Variants in DLG2 observed in about 807,000 individuals in gnomAD.
DLG2 encodes the protein disks large homolog 2.
DLG2 carries 45 observed loss-of-function variants against 132.5 expected under a neutral mutation model. That is an observed-to-expected ratio of 0.34 (90% CI 0.27 to 0.44). DLG2 has a LOEUF of 0.44. Among genes scored for constraint, DLG2 ranks in the 20% least tolerant of loss-of-function variants. The pLI is 1.00. For missense variants in DLG2, 1,045 were observed against 1,196.9 expected (o/e 0.87, Z 1.87); for synonymous variants, 424 against 419.6 (o/e 1.01, Z -0.13).
chr11:85,530,407 G>A (rs866136758), intron 3 of DLG2, among the ~76,000 whole-genome samples: 3 of 149,822 alleles, frequency 2.0e-5, no homozygotes, highest in African/African-American at 7.4e-5. Flanking sequence ...TGCAACCTCC[G>A]CCTCCCAGGT....
At chr11:83,573,326 G>A (rs2096828780) in intron 19 of DLG2, among the ~76,000 whole-genome samples, 1 of 152,058 alleles carries the variant, frequency 6.6e-6, no homozygotes, top group South Asian at 2.1e-4. Flanking sequence ...GCAAACAAAT[G>A]CCTAAATTAT....
At chr11:83,817,220 C>T (rs1368360478) in intron 17 of DLG2, among the ~76,000 whole-genome samples, 19 of 152,088 alleles carry the variant, frequency 1.2e-4, no homozygotes, top group Admixed American at 1.2e-3. Flanking sequence ...ATACAAAGCA[C>T]ATTAAGAGGG....
At chr11:83,578,430 A>G (rs1195749513) in intron 19 of DLG2, among the ~76,000 whole-genome samples, 1 of 152,112 alleles carries the variant, frequency 6.6e-6, no homozygotes, top group Non-Finnish European at 1.5e-5. Context: ...GTCAACTGTA[A>G]AAAGTTCAAG....
chr11:83,887,551 A>G (rs918488363), intron 15 of DLG2, among the ~76,000 whole-genome samples: 9 of 152,156 alleles, frequency 5.9e-5, no homozygotes, highest in African/African-American at 2.2e-4. Context: ...TCCTTGTGAA[A>G]CTATTCCAAT....
chr11:83,810,199 A>AT (rs1272383325), intron 17 of DLG2, among the ~76,000 whole-genome samples: 1 of 152,058 alleles, frequency 6.6e-6, no homozygotes, highest in Non-Finnish European at 1.5e-5. Flanking sequence ...GGATTAGTGA[A>AT]TGGGTGTGAT....
chr11:85,097,614 G>A (rs375214544), intron 6 of DLG2, among the ~76,000 whole-genome samples: 3 of 152,310 alleles, frequency 2.0e-5, no homozygotes, highest in Admixed American at 6.5e-5. Context: ...AGAAATTTAA[G>A]ATTTTCCTCT....
chr11:85,405,684 T>C (rs1288426971), intron 3 of DLG2, among the ~76,000 whole-genome samples: 1 of 151,950 alleles, frequency 6.6e-6, no homozygotes, highest in East Asian at 1.9e-4. Context: ...AAATATTTTG[T>C]TCAAGGTTAC....
At chr11:83,774,242 C>T (rs1173844211) in intron 18 of DLG2, among the ~76,000 whole-genome samples, 1 of 152,224 alleles carries the variant, frequency 6.6e-6, no homozygotes, top group Non-Finnish European at 1.5e-5. Flanking sequence ...AGGGTTTTCT[C>T]AAGTTCCATT....
intron 3 of DLG2, among the ~76,000 whole-genome samples, chr11:85,474,724 TA>T (rs1291897754): frequency 2.6e-5 from 4 of 151,774 alleles, no homozygotes; most frequent in African/African-American, 4.8e-5. Context: ...TTAAAACAAC[TA>T]AGGAATTAAT....
chr11:83,970,577 G>A (rs1040720628), intron 12 of DLG2, among the ~76,000 whole-genome samples: 4 of 152,222 alleles, frequency 2.6e-5, no homozygotes, highest in African/African-American at 9.6e-5. Context: ...CACGCATACT[G>A]AAGCTTAGAC....
intron 6 of DLG2, among the ~76,000 whole-genome samples, chr11:84,661,328 T>C (rs963556947): frequency 5.9e-5 from 9 of 152,140 alleles, no homozygotes; most frequent in African/African-American, 2.2e-4. Context: ...GATTACAAAG[T>C]CTCAAATGTA....
In DLG2 at chr11:84,557,595, T is replaced by C. The variant is rs2099414477; in HGVS notation, c.358-22864A>G. On this transcript the variant is annotated intron_variant, in intron 6 of 27. Coordinates refer to ENST00000376104, the MANE Select transcript of DLG2 (RefSeq NM_001142699.3). ...TGAGAAATTTATTTATGTTGATGTG[T>C]GCAAAACTAGATCATTTCTTTTTAA... is the stretch of plus-strand genomic sequence containing the variant. Among the ~76,000 whole-genome samples the C allele has an allele frequency of 2.0e-5, 3 of 152,112 alleles. No individual in the cohort carries two copies. In the South Asian group the frequency reaches 6.2e-4, roughly 31 times the overall value.
intron 5 of DLG2, among the ~76,000 whole-genome samples, chr11:85,138,993 GT>G (rs2076293502): frequency 6.6e-6 from 1 of 151,992 alleles, no homozygotes. Flanking sequence ...GCCAGAAACT[GT>G]TTTTCCCTGG....
intron 6 of DLG2, among the ~76,000 whole-genome samples, chr11:84,569,447 G>A (rs758715422): frequency 2.6e-5 from 4 of 151,844 alleles, no homozygotes; most frequent in Non-Finnish European, 5.9e-5. Context: ...AATACTCAAA[G>A]TTCAGTGAAC....
At chr11:84,263,653 G>C (rs977770710) in intron 7 of DLG2, among the ~76,000 whole-genome samples, 2 of 151,708 alleles carry the variant, frequency 1.3e-5, no homozygotes, top group Non-Finnish European at 2.9e-5. Flanking sequence ...TATAACTCCA[G>C]AAAAAAAATC....
chr11:83,687,548 AT>A (rs1215388633), intron 18 of DLG2, among the ~76,000 whole-genome samples: 4 of 151,954 alleles, frequency 2.6e-5, no homozygotes, highest in Non-Finnish European at 5.9e-5. Context: ...CCTGCTATTT[AT>A]TTTTTCTTCC....
At chr11:84,874,635 A>G (rs1428691022) in intron 6 of DLG2, among the ~76,000 whole-genome samples, 1 of 152,210 alleles carries the variant, frequency 6.6e-6, no homozygotes, top group Non-Finnish European at 1.5e-5. Context: ...TGGAATAAGA[A>G]TTGAATATGG....
chr11:85,016,733 C>T (rs2154137849), intron 6 of DLG2, among the ~76,000 whole-genome samples: 1 of 152,264 alleles, frequency 6.6e-6, no homozygotes, highest in East Asian at 1.9e-4. Context: ...TCCCCATCTG[C>T]CTCCAAGTCC....
intron 18 of DLG2, among the ~76,000 whole-genome samples, chr11:83,668,824 T>C (rs904320680): frequency 1.5e-5 from 2 of 135,536 alleles, no homozygotes; most frequent in Non-Finnish European, 3.1e-5. Flanking sequence ...TATAAACATA[T>C]ATATGTGTAT....
Sources: allele counts gnomAD v4.1 joint callset (sites outside exome capture counted in the v4.1 genomes callset), GRCh38; gene constraint gnomAD v4.1.1; transcripts MANE v1.5; gene names NCBI Gene and HGNC (gene_info 2026-07-23, HGNC 2026-07-21).